ZMAT4: variants seen among roughly 807,000 people sequenced by gnomAD.
ZMAT4 encodes the protein zinc finger matrin-type protein 4.
ZMAT4 carries 17 observed loss-of-function variants against 28.7 expected under a neutral mutation model. The observed-to-expected ratio is 0.59, with a 90% CI of 0.41 to 0.89. The LOEUF (loss-of-function observed/expected upper bound fraction) is 0.89, where lower values mean the gene tolerates loss of function less well. Among genes scored for constraint, ZMAT4 ranks in the 40% least tolerant of loss-of-function variants. The pLI is 0.00. For synonymous variants in ZMAT4, 117 were observed against 109.2 expected (o/e 1.07, Z -0.44); for missense variants, 240 against 283.8 (o/e 0.85, Z 1.11).
chr8:40,711,170 A>G (rs1438563421), intron 3 of ZMAT4, among the ~76,000 whole-genome samples: 1 of 152,162 alleles, frequency 6.6e-6, no homozygotes, highest in East Asian at 1.9e-4. Context: ...ATGATAGGGA[A>G]CCAGTTCTTT....
intron 2 of ZMAT4, among the ~76,000 whole-genome samples, chr8:40,775,633 G>T (rs1481875204): frequency 1.3e-5 from 2 of 152,228 alleles, no homozygotes; most frequent in Non-Finnish European, 2.9e-5. Flanking sequence ...AAGAGTCAGG[G>T]ATCCACTAGA....
At chr8:40,796,628 TAG>T (rs1429420285) in intron 2 of ZMAT4, among the ~76,000 whole-genome samples, 2 of 152,130 alleles carry the variant, frequency 1.3e-5, no homozygotes, top group Non-Finnish European at 2.9e-5. Context: ...ATGCACTACT[TAG>T]AATGATATCT....
At chr8:40,576,467 C>T (rs896989702) in intron 6 of ZMAT4, among the ~76,000 whole-genome samples, 20 of 150,738 alleles carry the variant, frequency 1.3e-4, no homozygotes, top group African/African-American at 4.4e-4. Context: ...GACTAACAAC[C>T]GATTTATTAG....
At chr8:40,730,527 C>A (rs1163351409) in intron 3 of ZMAT4, among the ~76,000 whole-genome samples, 1 of 152,090 alleles carries the variant, frequency 6.6e-6, no homozygotes, top group African/African-American at 2.4e-5. Context: ...ATACTTTATT[C>A]CTCTAAAATA....
chr8:40,684,528 C>T (rs577511125), intron 4 of ZMAT4, among the ~76,000 whole-genome samples: 2 of 152,314 alleles, frequency 1.3e-5, no homozygotes, highest in Non-Finnish European at 2.9e-5. Flanking sequence ...GAACTGAAAC[C>T]AGCTTTGGTT....
intron 5 of ZMAT4, among the ~76,000 whole-genome samples, chr8:40,612,172 C>A (rs969703133): frequency 1.3e-5 from 2 of 152,132 alleles, no homozygotes; most frequent in Non-Finnish European, 2.9e-5. Flanking sequence ...CATAAGGTAC[C>A]CAGCACAGTT....
intron 3 of ZMAT4, among the ~76,000 whole-genome samples, chr8:40,757,691 T>A (rs1026854290): frequency 6.6e-6 from 1 of 152,162 alleles, no homozygotes; most frequent in Non-Finnish European, 1.5e-5. Flanking sequence ...CCATCAAATA[T>A]CCTTGGAAGG....
intron 1 of ZMAT4, among the ~76,000 whole-genome samples, chr8:40,835,128 T>C (rs1355468613): frequency 6.6e-6 from 1 of 152,106 alleles, no homozygotes; most frequent in Non-Finnish European, 1.5e-5. Context: ...TTCAGAGGGA[T>C]GAAAGTGAGT....
At chr8:40,790,078 C>T (rs1814257753) in intron 2 of ZMAT4, among the ~76,000 whole-genome samples, 2 of 152,198 alleles carry the variant, frequency 1.3e-5, no homozygotes, top group African/African-American at 4.8e-5. Context: ...AGCTTCCCCA[C>T]TCCCCTGCCT....
intron 1 of ZMAT4, among the ~76,000 whole-genome samples, chr8:40,893,092 A>T (rs1485056355): frequency 2.0e-5 from 3 of 152,096 alleles, no homozygotes; most frequent in Non-Finnish European, 4.4e-5. Context: ...CTTGCTGGAG[A>T]TGGAGAACAG....
At chr8:40,883,755 AC>A (rs1563265363) in intron 1 of ZMAT4, among the ~76,000 whole-genome samples, 3 of 152,116 alleles carry the variant, frequency 2.0e-5, no homozygotes, top group African/African-American at 7.2e-5. Context: ...CTTTATTGCC[AC>A]CTGTCTGACT....
intron 4 of ZMAT4, among the ~76,000 whole-genome samples, chr8:40,695,904 T>A (rs920165221): frequency 2.6e-5 from 4 of 151,862 alleles, no homozygotes; most frequent in African/African-American, 9.7e-5. Context: ...AACAGTAATA[T>A]TCTGCTTCAG....
chr8:40,646,784 T>C (rs1282256069), intron 5 of ZMAT4, among the ~76,000 whole-genome samples: 2 of 152,190 alleles, frequency 1.3e-5, no homozygotes, highest in Non-Finnish European at 2.9e-5. Flanking sequence ...ACTTTCAATA[T>C]GGATAGAACG....
At chr8:40,589,624 C>T (rs368766485) in intron 5 of ZMAT4, among the ~76,000 whole-genome samples, 31 of 152,220 alleles carry the variant, frequency 2.0e-4, no homozygotes, top group East Asian at 1.7e-3. Context: ...TTTGTTAAAT[C>T]GTTGACAAGC....
At chr8:40,539,602 A>T (rs1019313801) in intron 6 of ZMAT4, among the ~76,000 whole-genome samples, 10 of 152,240 alleles carry the variant, frequency 6.6e-5, no homozygotes, top group Admixed American at 2.0e-4. Flanking sequence ...TAAAACAAAG[A>T]CATCGATAAT....
At chr8:40,718,611 C>T (rs1272332720) in intron 3 of ZMAT4, among the ~76,000 whole-genome samples, 6 of 152,158 alleles carry the variant, frequency 3.9e-5, no homozygotes, top group Non-Finnish European at 7.3e-5. Flanking sequence ...GTAGGATTCT[C>T]TGGAGAACAG....
At chr8:40,849,509 T>C (rs1490337884) in intron 1 of ZMAT4, among the ~76,000 whole-genome samples, 3 of 152,128 alleles carry the variant, frequency 2.0e-5, no homozygotes, top group Non-Finnish European at 4.4e-5. Flanking sequence ...ACTTGCAAAA[T>C]GATTTCCCAG....
At chr8:40,621,999 A>G (rs145060163) in intron 5 of ZMAT4, among the ~76,000 whole-genome samples, 2 of 152,366 alleles carry the variant, frequency 1.3e-5, no homozygotes, top group African/African-American at 4.8e-5. Flanking sequence ...TAGTAAAAAT[A>G]GGCATTCCAT....
At chr8:40,889,136 A>G (rs779085627) in intron 1 of ZMAT4, among the ~76,000 whole-genome samples, 1 of 152,202 alleles carries the variant, frequency 6.6e-6, no homozygotes, top group Non-Finnish European at 1.5e-5. Flanking sequence ...ACCCCTTGAA[A>G]TGCTAAGACA....
Sources: gnomAD v4.1 joint callset for allele counts (sites outside exome capture counted in the v4.1 genomes callset) on GRCh38, gnomAD v4.1.1 for gene constraint, MANE v1.5 for transcripts, NCBI Gene and HGNC (gene_info 2026-07-23, HGNC 2026-07-21) for gene names.